Variants in ANAPC10 observed in about 807,000 individuals in gnomAD.
ANAPC10 encodes the protein anaphase promoting complex subunit 10, also known as anaphase-promoting complex subunit 10.
In ANAPC10, 12 loss-of-function variants were observed where a neutral mutation model predicts 22.0. That is an observed-to-expected ratio of 0.55 (90% CI 0.35 to 0.88). ANAPC10 has a LOEUF of 0.88. Ranked by LOEUF, ANAPC10 falls within the 40% of genes least tolerant of loss-of-function variation. ANAPC10 has a pLI of 0.01. For missense variants in ANAPC10, 188 were observed against 220.9 expected (o/e 0.85, Z 0.94); for synonymous variants, 65 against 69.5 (o/e 0.94, Z 0.32).
intron 4 of ANAPC10, among the ~76,000 whole-genome samples, chr4:144,996,292 A>T (rs1023886689): frequency 2.6e-5 from 4 of 152,226 alleles, no homozygotes; most frequent in Admixed American, 2.6e-4. Flanking sequence ...ACAGACTGTA[A>T]AGAGACGTTA....
chr4:145,027,748 A>T (rs564551140), intron 4 of ANAPC10, among the ~76,000 whole-genome samples: 1 of 152,346 alleles, frequency 6.6e-6, no homozygotes, highest in South Asian at 2.1e-4. Context: ...TCCAAACTAG[A>T]ATTCCATACC....
intron 4 of ANAPC10, among the ~76,000 whole-genome samples, chr4:145,001,635 G>A (rs574588803): frequency 1.3e-5 from 2 of 152,268 alleles, no homozygotes; most frequent in East Asian, 3.9e-4. Flanking sequence ...AAGACTGCCA[G>A]GTCACTTCTG....
intron 4 of ANAPC10, among the ~76,000 whole-genome samples, chr4:145,055,853 A>C (rs1741988715): frequency 6.6e-6 from 1 of 152,248 alleles, no homozygotes; most frequent in South Asian, 2.1e-4. Flanking sequence ...CGTGAATACC[A>C]TATATGTAGC....
At chr4:144,998,553 T>C (rs534171838) in intron 4 of ANAPC10, among the ~76,000 whole-genome samples, 1 of 152,314 alleles carries the variant, frequency 6.6e-6, no homozygotes, top group South Asian at 2.1e-4. Context: ...GAAATAAAGA[T>C]GTTCTTTGAA....
intron 2 of ANAPC10, among the ~76,000 whole-genome samples, chr4:145,086,716 G>A (rs1235178252): frequency 6.6e-6 from 1 of 151,698 alleles, no homozygotes; most frequent in East Asian, 1.9e-4. Flanking sequence ...CTGTATCCCT[G>A]GGCTCTACCC....
At chr4:145,063,202 T>C (rs1743168219) in intron 4 of ANAPC10, among the ~76,000 whole-genome samples, 1 of 152,184 alleles carries the variant, frequency 6.6e-6, no homozygotes, top group South Asian at 2.1e-4. Flanking sequence ...GTAATGCATA[T>C]GTTAACTAGC....
At chr4:145,097,108 C>T (rs775657344) in intron 1 of ANAPC10, 5 of 199,544 alleles carry the variant, frequency 2.5e-5, no homozygotes, top group Admixed American at 1.7e-4. Flanking sequence ...GGGGCTGAGA[C>T]AGGAGGATCA....
chr4:145,061,274 G>A (rs1157267061), intron 4 of ANAPC10, among the ~76,000 whole-genome samples: 1 of 152,038 alleles, frequency 6.6e-6, no homozygotes, highest in Non-Finnish European at 1.5e-5. Flanking sequence ...ATTTTACAAG[G>A]TCCAAATATC....
chr4:145,030,348 C>T (rs1471057736), intron 4 of ANAPC10, among the ~76,000 whole-genome samples: 1 of 152,158 alleles, frequency 6.6e-6, no homozygotes, highest in Non-Finnish European at 1.5e-5. Flanking sequence ...ACTACATTAC[C>T]AACAATTTAT....
chr4:145,076,712 A>G (rs981861932), intron 3 of ANAPC10, among the ~76,000 whole-genome samples: 4 of 152,246 alleles, frequency 2.6e-5, no homozygotes, highest in South Asian at 2.1e-4. Context: ...TAAGGAATCC[A>G]GTAAAATGAA....
chr4:145,006,463 A>C (rs1733384201), intron 4 of ANAPC10, among the ~76,000 whole-genome samples: 1 of 152,116 alleles, frequency 6.6e-6, no homozygotes, highest in Non-Finnish European at 1.5e-5. Context: ...GAATAAAAGA[A>C]TGTAGGGCAG....
At chr4:145,080,167 T>C (rs1393714222) in intron 3 of ANAPC10, among the ~76,000 whole-genome samples, 1 of 69,872 alleles carries the variant, frequency 1.4e-5, no homozygotes, top group Non-Finnish European at 3.1e-5. Flanking sequence ...AGATACAAAA[T>C]AGGGAACAAT....
chr4:145,028,071 T>C (rs1056148309), intron 4 of ANAPC10, among the ~76,000 whole-genome samples: 1 of 152,108 alleles, frequency 6.6e-6, no homozygotes, highest in Admixed American at 6.6e-5. Flanking sequence ...CAGGGGAAGC[T>C]GAAAGAGCTG....
chr4:145,026,920 CAT>C (rs150548781), intron 4 of ANAPC10, among the ~76,000 whole-genome samples: 2,302 of 16,926 alleles, frequency 0.14, 332 homozygotes, highest in Admixed American at 0.21. Flanking sequence ...CCTATACATA[CAT>C]ATATATATAT....
At chr4:145,030,636 C>T (rs1485303365) in intron 4 of ANAPC10, among the ~76,000 whole-genome samples, 1 of 152,164 alleles carries the variant, frequency 6.6e-6, no homozygotes, top group African/African-American at 2.4e-5. Flanking sequence ...GGTCATTTCC[C>T]CAGTGCCAGA....
chr4:145,080,258 C>T (rs1055383189), intron 3 of ANAPC10, among the ~76,000 whole-genome samples: 1 of 152,008 alleles, frequency 6.6e-6, no homozygotes, highest in Non-Finnish European at 1.5e-5. Flanking sequence ...ATACTTACTA[C>T]CTGGATGACG....
rs779785171 is a variant in ANAPC10 at position 145,097,465 on chromosome 4, A to G, written c.-13+655T>C. The G allele has an allele frequency of 1.8e-5, 23 of 1,286,278 alleles. No individual in the cohort carries two copies. In the South Asian group the frequency reaches 2.7e-4, roughly 15 times the overall value. The allele number at this position is 1,286,278 out of a possible 1,614,324, so 79.7% of individuals were successfully genotyped here. A position where few individuals can be genotyped will look rare whatever the true frequency, so the allele number is the denominator to read the frequency against. ...GCTACTGAACATTGTTATATATGCTATTCAAAATAGGTGCAATAGTTCTGC... is the reference window on the plus strand; with the variant it reads ...GCTACTGAACATTGTTATATATGCTGTTCAAAATAGGTGCAATAGTTCTGC... On this transcript the variant is annotated intron_variant, in intron 1 of 4. Coordinates refer to ENST00000507656, the MANE Select transcript of ANAPC10 (RefSeq NM_001256706.2).
At position 145,036,707 on chromosome 4, in the gene ANAPC10, A is replaced by G. The variant is rs34704445; in HGVS notation, c.327+27865T>C. Among the ~76,000 whole-genome samples the G allele has an allele frequency of 4.4e-3, 669 of 152,294 alleles. 3 individuals are homozygous for G. The highest frequency in any genetic ancestry group is 0.015 in the African/African-American group (615 of 41,558). On this transcript the variant is annotated intron_variant, in intron 4 of 4. Transcript: ENST00000507656. ...GTAGTAAAAAGAAACATTAAATTAC[A>G]AAAACTCAAAGTTAGTATAACTGAA... is the stretch of plus-strand genomic sequence containing the variant.
intron 4 of ANAPC10, among the ~76,000 whole-genome samples, chr4:145,011,549 G>A (rs1394026940): frequency 1.3e-5 from 2 of 151,960 alleles, no homozygotes; most frequent in Non-Finnish European, 2.9e-5. Context: ...CCTCAGGGAG[G>A]TGAATGGTCT....
Sources: allele counts gnomAD v4.1 joint callset (sites outside exome capture counted in the v4.1 genomes callset), GRCh38; gene constraint gnomAD v4.1.1; transcripts MANE v1.5; gene names NCBI Gene and HGNC (gene_info 2026-07-23, HGNC 2026-07-21).